The following FGF14 variants were observed in gnomAD, a reference collection of about 807,000 sequenced individuals.
The protein encoded by FGF14 is fibroblast growth factor 14.
In FGF14, 5 loss-of-function variants were observed where a neutral mutation model predicts 25.5. The observed-to-expected ratio is 0.20, with a 90% CI of 0.10 to 0.41. The LOEUF is 0.41. FGF14 is among the 10% of genes least tolerant of loss of function. The pLI is 1.00. For synonymous variants in FGF14, 138 were observed against 118.3 expected, an observed-to-expected ratio of 1.17 and a Z score of -1.08; for missense variants, 222 against 320.1, an observed-to-expected ratio of 0.69 and a Z score of 2.34.
rs185717701 is a variant in FGF14, at chr13:101,732,155, C to T, written c.409-5345G>A. Among the ~76,000 whole-genome samples, 355 of 152,230 alleles carry T rather than the reference C, an allele frequency of 2.3e-3. 2 individuals are homozygous for T. Among genetic ancestry groups the T allele is most frequent in the African/African-American group, 8.3e-3 (343 of 41,552 alleles). ...CACCAGTGTTTCATCCTTGGAAAAG[C>T]CTTTATGTTCTGTTACGAGCCCAGG... On this transcript the variant is annotated intron_variant, in intron 3 of 4. Coordinates refer to ENST00000376143, the MANE Select transcript of FGF14 (RefSeq NM_004115.4).
rs79909638 is a variant in FGF14, at chr13:102,026,978, T to C, written c.209-151682A>G. On this transcript the variant is annotated intron_variant, in intron 1 of 4. Coordinates refer to the FGF14 transcript ENST00000376131. ...ACAATTTGAGCTGTCTTTCTACCCA[T>C]TGTAGTAAACTCATAAACCTAAAGG... Among the ~76,000 whole-genome samples the C allele has an allele frequency of 2.7e-3, 413 of 152,102 alleles. 1 individual carries two copies. The highest frequency in any genetic ancestry group is 9.3e-3 in the African/African-American group (388 of 41,552).
intron 3 of FGF14, among the ~76,000 whole-genome samples, chr13:101,846,242 AT>A (rs2043452672): frequency 6.6e-6 from 1 of 151,936 alleles, no homozygotes; most frequent in South Asian, 2.1e-4. Flanking sequence ...GCTCCAGGTG[AT>A]TTTTTCCTAT....
At chr13:102,260,109 G>C (rs1366581700) in intron 1 of FGF14, among the ~76,000 whole-genome samples, 1 of 152,036 alleles carries the variant, frequency 6.6e-6, no homozygotes, top group African/African-American at 2.4e-5. Context: ...AAAAGAGAAG[G>C]GGGAGGAAGA....
At chr13:101,765,722 A>T (rs2038348092) in intron 3 of FGF14, among the ~76,000 whole-genome samples, 1 of 141,302 alleles carries the variant, frequency 7.1e-6, no homozygotes, top group South Asian at 2.4e-4. Flanking sequence ...TTATTATTTT[A>T]TTTATTTATT....
At chr13:101,799,792 A>G (rs1011516991) in intron 3 of FGF14, among the ~76,000 whole-genome samples, 3 of 152,124 alleles carry the variant, frequency 2.0e-5, no homozygotes, top group Non-Finnish European at 1.5e-5. Flanking sequence ...GAACATTAGG[A>G]ACTAAGGACT....
At chr13:101,761,676 C>A (rs1339713362) in intron 3 of FGF14, among the ~76,000 whole-genome samples, 1 of 152,172 alleles carries the variant, frequency 6.6e-6, no homozygotes, top group Non-Finnish European at 1.5e-5. Context: ...GATGGCTAGG[C>A]TAATTACCTT....
chr13:101,916,765 A>G lies in FGF14; in HGVS notation c.-120T>C. 2 of 830,118 alleles carry G rather than the reference A, an allele frequency of 2.4e-6. No homozygotes were observed. The highest frequency in any genetic ancestry group is 1.8e-6 in the Non-Finnish European group (1 of 552,828). The allele number at this position is 830,118 out of a possible 1,614,324, so 51.4% of individuals were successfully genotyped here. ...CCCTCGGGGCAGAGGAGGGGGTGCC[A>G]GGCGGGACTGGGGAGAGGGGAAGGG... On this transcript the variant is annotated 5_prime_UTR_variant, in exon 1 of 5. Coordinates refer to ENST00000376143, the MANE Select transcript of FGF14 (RefSeq NM_004115.4).
intron 1 of FGF14, among the ~76,000 whole-genome samples, chr13:102,101,335 C>T (rs937789250): frequency 6.6e-6 from 1 of 152,088 alleles, no homozygotes; most frequent in Non-Finnish European, 1.5e-5. Context: ...TACATACATA[C>T]CTGGGCCTTC....
chr13:101,792,100 T>C (rs2040268242), intron 3 of FGF14, among the ~76,000 whole-genome samples: 1 of 152,222 alleles, frequency 6.6e-6, no homozygotes, highest in East Asian at 1.9e-4. Context: ...GGAAATAATA[T>C]CCAAACAAGA....
chr13:102,202,274 GC>G (rs1331159059), intron 1 of FGF14, among the ~76,000 whole-genome samples: 1 of 152,098 alleles, frequency 6.6e-6, no homozygotes, highest in African/African-American at 2.4e-5. Flanking sequence ...ATAAGCCAGG[GC>G]CCCAAGAAAG....
intron 1 of FGF14, among the ~76,000 whole-genome samples, chr13:102,135,106 G>A (rs2046357297): frequency 6.6e-6 from 1 of 151,932 alleles, no homozygotes; most frequent in African/African-American, 2.4e-5. Context: ...TACTTGGAAG[G>A]CGGAGGCAAG....
At chr13:101,831,191 G>A (rs187276315) in intron 3 of FGF14, among the ~76,000 whole-genome samples, 1 of 151,764 alleles carries the variant, frequency 6.6e-6, no homozygotes, top group Non-Finnish European at 1.5e-5. Flanking sequence ...AACATGTCAG[G>A]CACTTAGAAA....
chr13:101,734,462 T>C (rs1182562891), intron 3 of FGF14, among the ~76,000 whole-genome samples: 12 of 152,282 alleles, frequency 7.9e-5, no homozygotes, highest in Admixed American at 4.6e-4. Flanking sequence ...CTCTGGAATA[T>C]AGACATGTAT....
At chr13:102,028,210 A>C (rs939708479) in intron 1 of FGF14, among the ~76,000 whole-genome samples, 1 of 151,890 alleles carries the variant, frequency 6.6e-6, no homozygotes, top group Non-Finnish European at 1.5e-5. Context: ...GCTTCCCCCA[A>C]ATTTATATTG....
chr13:102,337,552 T>C (rs941421055), intron 1 of FGF14, among the ~76,000 whole-genome samples: 15 of 152,160 alleles, frequency 9.9e-5, no homozygotes, highest in African/African-American at 3.6e-4. Context: ...ATAAACTTAC[T>C]TGATAAAGCA....
chr13:102,235,725 G>T lies in FGF14; in HGVS notation c.208+165746C>A, dbSNP rs114431449. Reference sequence around the variant, plus strand: ...CTGGATATTTTGATGCAAGATCCCTGACTTTAAAACTTTGGGATTGTCAGA... The same window carrying T: ...CTGGATATTTTGATGCAAGATCCCTTACTTTAAAACTTTGGGATTGTCAGA... On this transcript the variant is annotated intron_variant, in intron 1 of 4. Coordinates refer to the FGF14 transcript ENST00000376131. Among the ~76,000 whole-genome samples, 446 of 152,294 alleles carry T rather than the reference G, an allele frequency of 2.9e-3. 2 individuals carry two copies. Among genetic ancestry groups the T allele is most frequent in the African/African-American group, 9.9e-3 (411 of 41,540 alleles).
chr13:102,319,415 A>T (rs1255712520), intron 1 of FGF14, among the ~76,000 whole-genome samples: 2 of 152,202 alleles, frequency 1.3e-5, no homozygotes, highest in African/African-American at 4.8e-5. Flanking sequence ...GAAAACCTGG[A>T]AATTCAGTCC....
At chr13:102,169,553 A>C (rs1379929302) in intron 1 of FGF14, among the ~76,000 whole-genome samples, 2 of 152,114 alleles carry the variant, frequency 1.3e-5, no homozygotes, top group Non-Finnish European at 2.9e-5. Context: ...ATACAACAAA[A>C]GCCACTCTGC....
chr13:102,231,470 G>T (rs900745627), intron 1 of FGF14, among the ~76,000 whole-genome samples: 24 of 152,168 alleles, frequency 1.6e-4, no homozygotes, highest in African/African-American at 5.6e-4. Context: ...GCAGAAGGCA[G>T]GGTCTGTGGG....
Sources: allele counts gnomAD v4.1 joint callset (sites outside exome capture counted in the v4.1 genomes callset), GRCh38; gene constraint gnomAD v4.1.1; transcripts MANE v1.5; gene names NCBI Gene and HGNC (gene_info 2026-07-23, HGNC 2026-07-21).